The following EHD2 variants were observed in gnomAD, a reference collection of about 807,000 sequenced individuals.
EHD2 encodes the protein EH domain containing 2.
Under a neutral mutation model 41.0 loss-of-function variants are expected in EHD2, and 27 were observed. That is an observed-to-expected ratio of 0.66 (90% CI 0.49 to 0.91). The LOEUF is 0.91. EHD2 is among the 40% of genes least tolerant of loss of function. The pLI is 0.00. For missense variants in EHD2, 673 were observed against 773.9 expected (o/e 0.87, Z 1.55); for synonymous variants, 342 against 341.0 (o/e 1.00, Z -0.03).
intron 4 of EHD2, chr19:47,732,167 G>C (rs914601978): frequency 1.3e-5 from 2 of 151,374 alleles, no homozygotes; most frequent in South Asian, 2.1e-4. Context: ...TGTCGCCCAG[G>C]CTGGTGCAAT....
Position 47,716,631 on chromosome 19 carries a change from C to G in EHD2, c.19C>G (p.Arg7Gly). The G allele has an allele frequency of 6.5e-7, 1 of 1,542,058 alleles. No homozygotes were observed. Residue 7 changes from arginine (R) to glycine (G), a missense_variant, in exon 2 of 6, where the codon CGG becomes GGG. Coordinates refer to ENST00000263277, the MANE Select transcript of EHD2 (RefSeq NM_014601.4). ...AGCCACCATGTTCAGCTGGCTGAAG[C>G]GGGGCGGGGCACGGGGCCAGCAGCC... is the stretch of plus-strand genomic sequence containing the variant. MFSWLK[R>G]GGARGQQPEA...
chr19:47,719,833 C>T lies in EHD2; in HGVS notation c.502+1227C>T, dbSNP rs965267764. Among the ~76,000 whole-genome samples the T allele has an allele frequency of 6.9e-4, 104 of 150,896 alleles. No homozygotes were observed. The highest frequency in any genetic ancestry group is 2.3e-3 in the African/African-American group (96 of 40,934). On this transcript the variant is annotated intron_variant, in intron 3 of 5. Coordinates refer to ENST00000263277, the MANE Select transcript of EHD2 (RefSeq NM_014601.4). This position sits in a 1 kb window ranked among gnomAD's most constrained non-coding sequence, Gnocchi z 4.1. ...GCTCTCTCAGCCAGGGCAGGGGTGC[C>T]GGCAGGGGGGTTCAAAGGCCATGGG...
intron 5 of EHD2, among the ~76,000 whole-genome samples, chr19:47,737,974 G>A (rs1273412102): frequency 6.8e-6 from 1 of 147,232 alleles, no homozygotes; most frequent in Non-Finnish European, 1.5e-5. Context: ...TCTGCCTCCT[G>A]GGTTCAAGCA....
chr19:47,737,341 A>G (rs763047703), intron 5 of EHD2, among the ~76,000 whole-genome samples: 4 of 151,626 alleles, frequency 2.6e-5, no homozygotes, highest in African/African-American at 9.7e-5. Context: ...TTAAATATTT[A>G]TATTTGTAAA....
Position 47,725,724 on chromosome 19 carries a change from C to G in EHD2, c.503-88C>G. On this transcript the variant is annotated intron_variant, in intron 3 of 5. Transcript: ENST00000263277. Reference sequence around the variant, plus strand: ...GTGAACATCTTTACAGTCCAATATGCAAGAGAATGGGATACTACTGAGAAT... The same window carrying G: ...GTGAACATCTTTACAGTCCAATATGGAAGAGAATGGGATACTACTGAGAAT... The G allele has an allele frequency of 1.0e-5, 15 of 1,478,892 alleles. No individual in the cohort carries two copies. The South Asian group carries it at 1.9e-4, about 19-fold the overall frequency. The allele number at this position is 1,478,892 out of a possible 1,614,324, so 91.6% of individuals were successfully genotyped here. A position where few individuals can be genotyped will look rare whatever the true frequency, so the allele number is the denominator to read the frequency against.
intron 4 of EHD2, among the ~76,000 whole-genome samples, chr19:47,734,374 A>G (rs547696324): frequency 2.7e-4 from 41 of 152,030 alleles, no homozygotes; most frequent in African/African-American, 9.9e-4. Context: ...GGAGAGAGGG[A>G]GAGACATAGG....
chr19:47,719,523 C>T lies in EHD2; in HGVS notation c.502+917C>T, dbSNP rs1371287962. Among the ~76,000 whole-genome samples, 1 of 152,122 alleles carries T rather than the reference C, an allele frequency of 6.6e-6. No homozygotes were observed. The highest frequency in any genetic ancestry group is 1.5e-5 in the Non-Finnish European group (1 of 67,996). Reference sequence around the variant, plus strand: ...CAGCATCTGTGGTCCCCCAGCCCCACAGATCTGTGTCCCCCACCCCCCATG... The same window carrying T: ...CAGCATCTGTGGTCCCCCAGCCCCATAGATCTGTGTCCCCCACCCCCCATG... On this transcript the variant is annotated intron_variant, in intron 3 of 5. Transcript: ENST00000263277. The surrounding 1 kb of genome is among the most constrained non-coding windows in gnomAD (Gnocchi z 4.1).
At chr19:47,717,084 T>C (rs1178314701) in intron 2 of EHD2, 68 bp downstream of exon 2, 2 of 1,586,884 alleles carry the variant, frequency 1.3e-6, no homozygotes, top group African/African-American at 2.7e-5. Flanking sequence ...TTCCGCTCTT[T>C]TCGCCCAGGC....
Position 47,719,231 on chromosome 19 carries a change from C to A in EHD2, c.502+625C>A, listed in dbSNP as rs951665887. ...CAGGGATTCCGAGGCAGTGAGACAGCGACGCAGGGAGACACAAGGCCTGGA... is the reference window on the plus strand; with the variant it reads ...CAGGGATTCCGAGGCAGTGAGACAGAGACGCAGGGAGACACAAGGCCTGGA... On this transcript the variant is annotated intron_variant, in intron 3 of 5. Transcript: ENST00000263277. The surrounding 1 kb of genome is among the most constrained non-coding windows in gnomAD (Gnocchi z 4.1). 6.6e-6 allele frequency among the ~76,000 whole-genome samples: 1 copy of A among 152,010 alleles called. No homozygotes were observed. Among genetic ancestry groups the A allele is most frequent in the Non-Finnish European group, 1.5e-5 (1 of 68,006 alleles).
intron 4 of EHD2, among the ~76,000 whole-genome samples, chr19:47,733,453 C>A (rs1039677738): frequency 6.6e-6 from 1 of 151,822 alleles, no homozygotes; most frequent in Non-Finnish European, 1.5e-5. Flanking sequence ...GCGGGCGGAT[C>A]ACAAGGTCAA....
At chr19:47,725,199 T>C (rs16972389) in intron 3 of EHD2, among the ~76,000 whole-genome samples, 22,550 of 151,022 alleles carry the variant, frequency 0.15, 1,865 homozygotes, top group African/African-American at 0.19. Context: ...TAACAACCTA[T>C]ATGTACATAC....
rs924735966 is a variant in EHD2 at position 47,717,521 on chromosome 19, A to G, written c.404+505A>G. On this transcript the variant is annotated intron_variant, in intron 2 of 5. Transcript: ENST00000263277. Reference sequence around the variant, plus strand: ...GAGCACCTAGGCTAGTGAAGTCAGTATGCCTGGTTCAAATCCCGGCCAGCT... The same window carrying G: ...GAGCACCTAGGCTAGTGAAGTCAGTGTGCCTGGTTCAAATCCCGGCCAGCT... Among the ~76,000 whole-genome samples the G allele has an allele frequency of 2.0e-5, 3 of 152,284 alleles. No homozygotes were observed. The South Asian group carries it at 6.2e-4, about 32-fold the overall frequency.
At chr19:47,728,713 C>T (rs561106053) in intron 4 of EHD2, among the ~76,000 whole-genome samples, 3 of 152,090 alleles carry the variant, frequency 2.0e-5, no homozygotes, top group South Asian at 2.1e-4. Flanking sequence ...GGGTTACAGG[C>T]GTGTGCCACC....
chr19:47,715,088 GA>G (rs1973612275), intron 1 of EHD2, among the ~76,000 whole-genome samples: 1 of 144,672 alleles, frequency 6.9e-6, no homozygotes, highest in Middle Eastern at 3.6e-3. Flanking sequence ...TAAAAAGAAA[GA>G]AAAGCAAAGC....
intron 4 of EHD2, among the ~76,000 whole-genome samples, chr19:47,730,373 C>T (rs532806320): frequency 6.6e-6 from 1 of 151,866 alleles, no homozygotes; most frequent in Non-Finnish European, 1.5e-5. Context: ...CCATTAGGCA[C>T]TCCCTCCCCC....
rs1973668447 is a variant in EHD2 at position 47,719,157 on chromosome 19, C to T, written c.502+551C>T. The stretch of plus-strand genomic sequence containing the variant: ...CCACGTGGTGGGAGCGGGCAGGAGC[C>T]GCACGTCTGGGCAGGCAGGAAGGAT... On this transcript the variant is annotated intron_variant, in intron 3 of 5. Coordinates refer to ENST00000263277, the MANE Select transcript of EHD2 (RefSeq NM_014601.4). This position sits in a 1 kb window ranked among gnomAD's most constrained non-coding sequence, Gnocchi z 4.1. 6.6e-6 allele frequency among the ~76,000 whole-genome samples: 1 copy of T among 152,172 alleles called. No individual in the cohort carries two copies. Among genetic ancestry groups the T allele is most frequent in the East Asian group, 1.9e-4 (1 of 5,166 alleles).
chr19:47,741,570 G>T lies in EHD2; in HGVS notation c.*138G>T. Reference sequence around the variant, plus strand: ...ACCGGGGGTCTCCCTCCTCACTACCGCCAGACACCCCGGTGGAAGCATTTA... The same window carrying T: ...ACCGGGGGTCTCCCTCCTCACTACCTCCAGACACCCCGGTGGAAGCATTTA... On this transcript the variant is annotated 3_prime_UTR_variant, in exon 6 of 6. Transcript: ENST00000263277. This position sits in a 1 kb window ranked among gnomAD's most constrained non-coding sequence, Gnocchi z 4.5. 2 of 994,804 alleles carry T rather than the reference G, an allele frequency of 2.0e-6. No homozygotes were observed. The highest frequency in any genetic ancestry group is 2.9e-6 in the Non-Finnish European group (2 of 691,842). The allele number at this position is 994,804 out of a possible 1,614,324, so 61.6% of individuals were successfully genotyped here.
intron 5 of EHD2, among the ~76,000 whole-genome samples, chr19:47,737,822 G>A (rs908991204): frequency 6.6e-5 from 10 of 150,572 alleles, no homozygotes; most frequent in African/African-American, 1.7e-4. Context: ...AGGTCCTTCT[G>A]CCTAGCCTCT....
intron 4 of EHD2, among the ~76,000 whole-genome samples, chr19:47,728,094 T>TC (rs1200200406): frequency 1.7e-5 from 1 of 59,412 alleles, no homozygotes; most frequent in African/African-American, 8.8e-5. Context: ...AGACTCTGTC[T>TC]CAAAATAAAA....
Sources: allele counts gnomAD v4.1 joint callset (sites outside exome capture counted in the v4.1 genomes callset), GRCh38; gene constraint gnomAD v4.1.1; non-coding constraint Gnocchi (gnomAD v3.1); transcripts MANE v1.5; gene names NCBI Gene and HGNC (gene_info 2026-07-23, HGNC 2026-07-21).